CENPE: variants seen among roughly 807,000 people sequenced by gnomAD.
CENPE encodes centromere protein E.
In CENPE, 145 loss-of-function variants were observed where a neutral mutation model predicts 336.1. The ratio of observed to expected loss-of-function variants is 0.43; its 90% confidence interval spans 0.38 to 0.50. The LOEUF is 0.50. Ranked by LOEUF, CENPE falls within the 20% of genes least tolerant of loss-of-function variation. The pLI is 0.00. For missense variants in CENPE, 2,719 were observed against 3,023.3 expected (o/e 0.90, Z 2.36); for synonymous variants, 1,013 against 984.8 (o/e 1.03, Z -0.54).
intron 16 of CENPE, among the ~76,000 whole-genome samples, chr4:103,164,161 C>G (rs1754715525): frequency 6.6e-6 from 1 of 152,020 alleles, no homozygotes. Context: ...ATATTGCACT[C>G]CATTATATTG....
intron 1 of CENPE, 47 bp from the exon 2 acceptor site, chr4:103,196,897 T>C: frequency 1.1e-6 from 1 of 870,242 alleles, no homozygotes; most frequent in Non-Finnish European, 1.9e-6. Flanking sequence ...AAAAGTCATG[T>C]CATAGGAGGA....
At chr4:103,153,015 G>A (rs367852788) in intron 25 of CENPE, 32 bp downstream of exon 25, 2 of 1,460,702 alleles carry the variant, frequency 1.4e-6, no homozygotes, top group Admixed American at 2.1e-5. Flanking sequence ...AAGACAAAAA[G>A]GTAATGCCAA....
Position 103,182,869 on chromosome 4 carries a change from T to C in CENPE, c.856A>G (p.Ser286Gly). ...QVGGFINYRD[S>G]KLTRILQNSL... ...TTCTGGAGAATTCGTGTTAACTTGC[T>C]ATCTCGATAATTTATGAAACCACTT... The change falls in exon 11 of 49, where the codon AGC becomes GGC. Residue 286 changes from serine (S) to glycine (G), a missense_variant. By Grantham distance (56) the Ser-to-Gly change is moderately conservative (BLOSUM62 0). Coordinates refer to ENST00000265148, the MANE Select transcript of CENPE (RefSeq NM_001813.3). 1 of 1,612,692 alleles carries C rather than the reference T, an allele frequency of 6.2e-7. No homozygotes were observed. The highest frequency in any genetic ancestry group is 8.5e-7 in the Non-Finnish European group (1 of 1,179,204).
At chr4:103,155,465 C>T (rs2125957242) in intron 24 of CENPE, among the ~76,000 whole-genome samples, 1 of 152,182 alleles carries the variant, frequency 6.6e-6, no homozygotes, top group Non-Finnish European at 1.5e-5. Context: ...TGCATTGCTA[C>T]CATGCCTGGC....
chr4:103,146,842 G>A (rs1753096191), intron 29 of CENPE, among the ~76,000 whole-genome samples: 1 of 152,192 alleles, frequency 6.6e-6, no homozygotes, highest in African/African-American at 2.4e-5. Context: ...GGAAAGAAAT[G>A]ATGTTGACTT....
At chr4:103,176,774 G>T in intron 14 of CENPE, 125 bp downstream of exon 14, 6 of 666,672 alleles carry the variant, frequency 9.0e-6, no homozygotes, top group Non-Finnish European at 1.4e-5. Context: ...AGTCTCCATT[G>T]TAATCACATA....
intron 43 of CENPE, among the ~76,000 whole-genome samples, chr4:103,120,742 T>A (rs1324872434): frequency 4.7e-5 from 7 of 147,582 alleles, no homozygotes; most frequent in East Asian, 2.0e-4. Flanking sequence ...ATTTTATTAA[T>A]TTTTTTTTTT....
At position 103,163,147 on chromosome 4, in the gene CENPE, G is replaced by T; in HGVS notation, c.1832C>A (p.Ser611Ter). ...QKLENIKMDL[S>*]YSLESIEDPK... ...ACGCCTGATTTTTACCAATGAGTAT[G>T]ACAAGTCCATTTTTATATTTTCTAG... Residue 611 changes from serine to a stop codon, truncating the protein, a stop_gained, in exon 18 of 49, where the codon TCA becomes TAA. Coordinates refer to ENST00000265148, the MANE Select transcript of CENPE (RefSeq NM_001813.3). LOFTEE classifies it high-confidence loss of function. 2 of 1,607,284 alleles carry T rather than the reference G, an allele frequency of 1.2e-6. No individual in the cohort carries two copies. Among genetic ancestry groups the T allele is most frequent in the South Asian group, 2.2e-5 (2 of 90,322 alleles).
intron 44 of CENPE, among the ~76,000 whole-genome samples, chr4:103,118,600 G>T (rs1182406683): frequency 1.3e-5 from 2 of 151,976 alleles, no homozygotes; most frequent in Admixed American, 1.3e-4. Context: ...TTAAAAAATC[G>T]CCAAACCCAA....
chr4:103,114,588 C>G (rs1421233783), intron 45 of CENPE, 36 bp from the exon 46 acceptor site: 1 of 1,339,594 alleles, frequency 7.5e-7, no homozygotes, highest in Non-Finnish European at 1.1e-6. Flanking sequence ...AAAAGCTCAG[C>G]AACTGATTTT....
chr4:103,178,034 C>G, intron 13 of CENPE, among the ~76,000 whole-genome samples: 1 of 148,440 alleles, frequency 6.7e-6, no homozygotes, highest in African/African-American at 2.4e-5. Context: ...TCCCTTGTTG[C>G]ATGACTTTTT....
rs776797230 is a variant in CENPE, at chr4:103,160,641, T to C, written c.2270A>G (p.Glu757Gly). The C allele has an allele frequency of 4.4e-6, 7 of 1,608,598 alleles. No homozygotes were observed. The South Asian group carries it at 6.7e-5, about 15-fold the overall frequency. The change falls in exon 21 of 49, where the codon GAA (glutamate) becomes GGA (glycine). Residue 757 changes from glutamate (E) to glycine (G), a missense_variant. Transcript: ENST00000265148. Reference sequence around the variant, plus strand: ...TGTGTTTACCTCTTTCCTCAGCCTTTCTACTTCAGAAGGTAAAGATTTCAA... The same window carrying C: ...TGTGTTTACCTCTTTCCTCAGCCTTCCTACTTCAGAAGGTAAAGATTTCAA... ...SELKSLPSEV[E>G]RLRKEIQDKS...
chr4:103,147,638 C>T lies in CENPE; in HGVS notation c.3852G>A (p.Val1284=). 6.2e-7 allele frequency: 1 copy of T among 1,609,488 alleles called. No homozygotes were observed. Among genetic ancestry groups the T allele is most frequent in the Non-Finnish European group, 8.5e-7 (1 of 1,179,098 alleles). ...GCAGTAACTCTTGTTCCTCATGAAGCACTGGGATCTTAGGACATTCATAAA... is the reference window on the plus strand; with the variant it reads ...GCAGTAACTCTTGTTCCTCATGAAGTACTGGGATCTTAGGACATTCATAAA... The part of the protein sequence containing the change: ...SHTKLQEEIP[V]LHEEQELLPN... The change falls in exon 29 of 49, where the codon GTG becomes GTA. Residue 1284 remains valine (V), a synonymous_variant. Transcript: ENST00000265148.
At chr4:103,111,048 A>C in intron 46 of CENPE, 37 bp from the exon 47 acceptor site, 2 of 1,434,868 alleles carry the variant, frequency 1.4e-6, no homozygotes, top group South Asian at 1.3e-5. Flanking sequence ...TGATAATTTT[A>C]ATTGTCTCCA....
rs751247562 is a variant in CENPE at position 103,146,107 on chromosome 4, T to G, written c.4135A>C (p.Ile1379Leu). The G allele has an allele frequency of 6.2e-7, 1 of 1,611,362 alleles. No homozygotes were observed. The highest frequency in any genetic ancestry group is 8.5e-7 in the Non-Finnish European group (1 of 1,179,186). The change falls in exon 30 of 49, where the codon ATC becomes CTC. Residue 1379 changes from isoleucine to leucine, a missense_variant and splice_region_variant. This residue lies in a region of CENPE where 2,437 missense variants were observed against 2,513.3 expected (regional missense o/e 0.97). Coordinates refer to ENST00000265148, the MANE Select transcript of CENPE (RefSeq NM_001813.3). The stretch of plus-strand genomic sequence containing the variant: ...TCTTGTTTGCTTTGAGACTCCTGGA[T>G]CTTAAGAGAATCATAAAACAGTACA... ...KEHIRETLAK[I>L]QESQSKQEQS...
chr4:103,170,711 A>G (rs553114027), intron 16 of CENPE, among the ~76,000 whole-genome samples: 2 of 152,322 alleles, frequency 1.3e-5, no homozygotes, highest in South Asian at 2.1e-4. Context: ...CTACCTATCA[A>G]TGTAAATGGA....
chr4:103,112,978 GTATATATA>G, intron 46 of CENPE, among the ~76,000 whole-genome samples: 2 of 41,902 alleles, frequency 4.8e-5, no homozygotes, highest in East Asian at 1.1e-3. Context: ...GTATATAAGT[GTATATATA>G]TACTTATAAG....
At chr4:103,162,322 A>G (rs1681563693) in intron 18 of CENPE, among the ~76,000 whole-genome samples, 1 of 152,160 alleles carries the variant, frequency 6.6e-6, no homozygotes, top group Admixed American at 6.5e-5. Context: ...ATCATAAAAA[A>G]AAAAGTATTA....
Position 103,159,203 on chromosome 4 carries a change from T to C in CENPE, c.2408A>G (p.Asp803Gly), listed in dbSNP as rs1754221877. The C allele has an allele frequency of 1.9e-6, 3 of 1,612,750 alleles. No homozygotes were observed. Among genetic ancestry groups the C allele is most frequent in the African/African-American group, 2.7e-5 (2 of 74,886 alleles). ...GLLEEIGKTK[D>G]DLATTQSNYK... ...ATTCGACTGTGTAGTTGCTAGGTCA[T>C]CTTTTGTTTTCCCAATTTCTTCAAG... The change falls in exon 22 of 49, where the codon GAT (aspartate) becomes GGT (glycine). Residue 803 changes from aspartate to glycine, a missense_variant. Physicochemically the swap from Asp to Gly is moderately conservative, Grantham distance 94. Coordinates refer to ENST00000265148, the MANE Select transcript of CENPE (RefSeq NM_001813.3).
Sources: gnomAD v4.1 joint callset for allele counts (sites outside exome capture counted in the v4.1 genomes callset) on GRCh38, gnomAD v4.1.1 for gene constraint, gnomAD v4.1.1 regional missense constraint, MANE v1.5 for transcripts, NCBI Gene and HGNC (gene_info 2026-07-23, HGNC 2026-07-21) for gene names.